MYO16: variants seen among roughly 807,000 people sequenced by gnomAD.
MYO16 encodes the protein myosin XVI.
In MYO16, 94 loss-of-function variants were observed where a neutral mutation model predicts 205.3. That is an observed-to-expected ratio of 0.46 (90% CI 0.39 to 0.54). The LOEUF (loss-of-function observed/expected upper bound fraction) is 0.54. Among genes scored for constraint, MYO16 ranks in the 20% least tolerant of loss-of-function variants. The probability of loss-of-function intolerance (pLI) is 0.00; values close to 1 mark genes in which losing one functional copy is unlikely to be tolerated. For synonymous variants in MYO16, 988 were observed against 954.0 expected (o/e 1.04, Z -0.66); for missense variants, 2,315 against 2,387.5 (o/e 0.97, Z 0.63).
intron 3 of MYO16, among the ~76,000 whole-genome samples, chr13:108,725,255 G>T (rs1385789510): frequency 6.6e-6 from 1 of 152,052 alleles, no homozygotes; most frequent in Admixed American, 6.6e-5. Flanking sequence ...ATTCTAACAG[G>T]TGTATCTCTT....
In MYO16 at chr13:109,189,604, C is replaced by T. The variant is rs571412062; in HGVS notation, c.5415+9971C>T. Among the ~76,000 whole-genome samples, 10 of 152,290 alleles carry T rather than the reference C, an allele frequency of 6.6e-5. No homozygotes were observed. The South Asian group carries it at 2.1e-3, about 32-fold the overall frequency. Reference sequence around the variant, plus strand: ...CACCCATCTTTACTTAGCAGTTGAACCATGTGCTACATCTGTGTACATTGA... The same window carrying T: ...CACCCATCTTTACTTAGCAGTTGAATCATGTGCTACATCTGTGTACATTGA... On this transcript the variant is annotated intron_variant, in intron 34 of 34. Coordinates refer to ENST00000457511, the MANE Select transcript of MYO16 (RefSeq NM_001198950.3).
the MYO16 span, among the ~76,000 whole-genome samples, chr13:108,531,100 T>A: frequency 6.6e-6 from 1 of 152,092 alleles, no homozygotes; most frequent in Non-Finnish European, 1.5e-5. Context: ...GTTGGCCTGG[T>A]GAGGTGGTTT....
chr13:108,814,873 C>T (rs73612444), intron 7 of MYO16, among the ~76,000 whole-genome samples: 221 of 152,110 alleles, frequency 1.5e-3, no homozygotes, highest in African/African-American at 5.1e-3. Context: ...ATGTTACAAA[C>T]GCAAACAAAC....
At chr13:108,847,609 G>A (rs1418525048) in intron 10 of MYO16, among the ~76,000 whole-genome samples, 1 of 152,060 alleles carries the variant, frequency 6.6e-6, no homozygotes, top group Non-Finnish European at 1.5e-5. Context: ...TCTCTTTCCA[G>A]ATTTTTATAA....
chr13:108,622,072 A>T (rs7323847), intron 1 of MYO16, among the ~76,000 whole-genome samples: 4,479 of 152,222 alleles, frequency 0.029, 174 homozygotes, highest in African/African-American at 0.088. Context: ...TACTGTATAA[A>T]GTTTACTTGT....
intron 1 of MYO16, among the ~76,000 whole-genome samples, chr13:108,610,512 C>A (rs1879132721): frequency 6.6e-6 from 1 of 152,112 alleles, no homozygotes; most frequent in South Asian, 2.1e-4. Flanking sequence ...AGACAAGGCC[C>A]CTGCCCTTGT....
intron 2 of MYO16, among the ~76,000 whole-genome samples, chr13:108,682,074 A>G (rs928206551): frequency 6.6e-6 from 1 of 152,200 alleles, no homozygotes; most frequent in Admixed American, 6.5e-5. Context: ...ACCACGCTCC[A>G]ATTTGAGTTA....
chr13:108,833,552 G>A (rs2139046584), intron 9 of MYO16, among the ~76,000 whole-genome samples: 1 of 152,162 alleles, frequency 6.6e-6, no homozygotes, highest in Middle Eastern at 3.4e-3. Flanking sequence ...TGTTGTTGTT[G>A]TCCTCATGTA....
intron 4 of MYO16, among the ~76,000 whole-genome samples, chr13:108,759,389 A>T (rs1885522370): frequency 6.6e-6 from 1 of 152,282 alleles, no homozygotes. Flanking sequence ...TCTTGTTGGC[A>T]TGTGTTATTA....
chr13:108,552,462 C>G, the MYO16 span, among the ~76,000 whole-genome samples: 4 of 152,092 alleles, frequency 2.6e-5, no homozygotes, highest in African/African-American at 9.7e-5. Flanking sequence ...TCGGCTCTGC[C>G]TGAGGTGCAG....
At chr13:109,131,599 G>A (rs1876544291) in intron 31 of MYO16, among the ~76,000 whole-genome samples, 1 of 152,188 alleles carries the variant, frequency 6.6e-6, no homozygotes, top group Non-Finnish European at 1.5e-5. Flanking sequence ...ATGTATGCAT[G>A]TGCCATGTTG....
intron 31 of MYO16, among the ~76,000 whole-genome samples, chr13:109,132,257 T>C (rs1264908215): frequency 3.3e-5 from 5 of 152,200 alleles, no homozygotes; most frequent in Admixed American, 1.3e-4. Flanking sequence ...CCGTTCTATG[T>C]TGATGCTTCC....
At chr13:108,554,599 C>T in the MYO16 span, among the ~76,000 whole-genome samples, 1 of 152,108 alleles carries the variant, frequency 6.6e-6, no homozygotes, top group Admixed American at 6.5e-5. Context: ...CCTGTAATCC[C>T]AGCACTTTGG....
chr13:108,904,497 G>A (rs1880866264), intron 15 of MYO16, among the ~76,000 whole-genome samples: 2 of 152,092 alleles, frequency 1.3e-5, no homozygotes, highest in Non-Finnish European at 2.9e-5. Flanking sequence ...ATCTGAGCAT[G>A]CAAAGAGGTT....
the MYO16 span, among the ~76,000 whole-genome samples, chr13:108,588,378 G>A: frequency 0.027 from 4,072 of 152,242 alleles, 173 homozygotes; most frequent in African/African-American, 0.091. Context: ...CTGGCTCAGC[G>A]CTAGGTAGAG....
chr13:109,046,825 A>G (rs774662543), intron 23 of MYO16, 91 bp from the exon 24 acceptor site: 240 of 1,075,302 alleles, frequency 2.2e-4, no homozygotes, highest in Non-Finnish European at 3.2e-4. Flanking sequence ...AATATTTGAA[A>G]ACTTCAGCTG....
chr13:108,727,706 T>A, intron 4 of MYO16, 123 bp downstream of exon 4: 2 of 1,073,306 alleles, frequency 1.9e-6, no homozygotes, highest in South Asian at 1.7e-5. Flanking sequence ...TATGTTATCA[T>A]GTATCTCCCT....
chr13:108,770,923 G>C (rs761524938), intron 4 of MYO16, among the ~76,000 whole-genome samples: 10 of 152,178 alleles, frequency 6.6e-5, no homozygotes, highest in South Asian at 2.1e-4. Flanking sequence ...AATGGAGTGA[G>C]CTATAGGCTA....
chr13:108,517,839 C>T, the MYO16 span, among the ~76,000 whole-genome samples: 6 of 152,192 alleles, frequency 3.9e-5, no homozygotes, highest in African/African-American at 7.2e-5. Flanking sequence ...CAAGAAAAGG[C>T]ACCAGCAGAT....
Sources: gnomAD v4.1 joint callset for allele counts (sites outside exome capture counted in the v4.1 genomes callset) on GRCh38, gnomAD v4.1.1 for gene constraint, MANE v1.5 for transcripts, NCBI Gene and HGNC (gene_info 2026-07-23, HGNC 2026-07-21) for gene names.